NEBL: variants seen among roughly 807,000 people sequenced by gnomAD.
NEBL encodes nebulette.
Under a neutral mutation model 140.2 loss-of-function variants are expected in NEBL, and 122 were observed. The observed-to-expected ratio is 0.87, with a 90% CI of 0.75 to 1.01. The LOEUF is 1.01. NEBL is among the 50% of genes least tolerant of loss of function. The pLI is 0.00. For missense variants in NEBL, 1,365 were observed against 1,231.3 expected, an observed-to-expected ratio of 1.11 and a Z score of -1.62; for synonymous variants, 436 against 398.9, an observed-to-expected ratio of 1.09 and a Z score of -1.11.
At chr10:21,270,828 G>A (rs551980872) in intron 1 of NEBL, among the ~76,000 whole-genome samples, 56 of 152,230 alleles carry the variant, frequency 3.7e-4, no homozygotes, top group African/African-American at 1.3e-3. Context: ...TTCACACAAC[G>A]TATGGATATG....
chr10:20,868,408 A>G, intron 7 of NEBL: 1 of 438,410 alleles, frequency 2.3e-6, no homozygotes, highest in East Asian at 4.4e-5. Context: ...ATGTGACAAC[A>G]TGGCTAGAGA....
At chr10:21,209,700 C>G (rs1841887315) in intron 3 of NEBL, among the ~76,000 whole-genome samples, 1 of 145,056 alleles carries the variant, frequency 6.9e-6, no homozygotes, top group Admixed American at 7.0e-5. Flanking sequence ...AGTTGTGACT[C>G]CTGGAGGACC....
intron 3 of NEBL, among the ~76,000 whole-genome samples, chr10:21,006,692 T>C (rs1318180667): frequency 6.6e-6 from 1 of 152,172 alleles, no homozygotes; most frequent in Non-Finnish European, 1.5e-5. Flanking sequence ...TCCACAGTGG[T>C]CCGAGACCCG....
At chr10:21,243,917 G>A (rs942926438) in intron 3 of NEBL, among the ~76,000 whole-genome samples, 2 of 103,480 alleles carry the variant, frequency 1.9e-5, no homozygotes, top group East Asian at 4.1e-4. Context: ...GAAGGAAGGC[G>A]AAAGGGAAAG....
intron 4 of NEBL, among the ~76,000 whole-genome samples, chr10:20,955,048 T>C (rs1214855600): frequency 6.6e-6 from 1 of 152,198 alleles, no homozygotes; most frequent in Non-Finnish European, 1.5e-5. Context: ...TGATCAGATG[T>C]GCATTTTAGG....
chr10:21,092,049 G>A (rs1347008224), intron 2 of NEBL, among the ~76,000 whole-genome samples: 3 of 152,182 alleles, frequency 2.0e-5, no homozygotes, highest in African/African-American at 7.2e-5. Flanking sequence ...TTTTAGTTAT[G>A]TCGTATCTTA....
intron 2 of NEBL, among the ~76,000 whole-genome samples, chr10:21,138,530 G>A (rs1447039827): frequency 2.0e-5 from 3 of 152,132 alleles, no homozygotes; most frequent in African/African-American, 7.2e-5. Flanking sequence ...AAATGTCATC[G>A]GGAGAGGTGA....
At chr10:20,968,884 A>G (rs1836446065) in intron 3 of NEBL, among the ~76,000 whole-genome samples, 1 of 152,226 alleles carries the variant, frequency 6.6e-6, no homozygotes. Flanking sequence ...TTGATCTGCA[A>G]AATTTAGTGC....
At chr10:21,280,156 G>A (rs902523369) in intron 1 of NEBL, among the ~76,000 whole-genome samples, 2 of 152,120 alleles carry the variant, frequency 1.3e-5, no homozygotes, top group South Asian at 4.1e-4. Context: ...GTTCGTTCCA[G>A]TCCAAGCATA....
In NEBL at chr10:20,850,400, T is replaced by C; in HGVS notation, c.1111A>G (p.Ser371Gly). The C allele has an allele frequency of 6.3e-7, 1 of 1,595,010 alleles. No homozygotes were observed. The highest frequency in any genetic ancestry group is 8.6e-7 in the Non-Finnish European group (1 of 1,162,602). ...QASKEAQKMQ[S>G]EKVYKEDFEK... ...TAACAAACTAATTGACCTACTTCAC[T>C]TTGCATCTTTTGAGCCTCCTTTGAA... Residue 371 changes from serine (S) to glycine (G), a missense_variant, in exon 11 of 28, where the codon AGT (serine) becomes GGT (glycine). This residue lies in a region of NEBL where 1,323 missense variants were observed against 1,154.8 expected (regional missense o/e 1.15). Coordinates refer to ENST00000377122, the MANE Select transcript of NEBL (RefSeq NM_006393.3).
At chr10:20,867,980 A>G (rs1224931469) in intron 7 of NEBL, 1 of 149,970 alleles carries the variant, frequency 6.7e-6, no homozygotes, top group Non-Finnish European at 1.5e-5. Flanking sequence ...ACTGGTCTTC[A>G]TTTTCATACT....
chr10:21,079,206 T>C (rs1276519039), intron 2 of NEBL, among the ~76,000 whole-genome samples: 1 of 152,140 alleles, frequency 6.6e-6, no homozygotes, highest in Admixed American at 6.6e-5. Context: ...TGGGAAAGTG[T>C]CCTGGGTGCA....
intron 7 of NEBL, among the ~76,000 whole-genome samples, chr10:20,863,129 T>C (rs907317824): frequency 2.6e-5 from 4 of 152,132 alleles, no homozygotes; most frequent in African/African-American, 9.7e-5. Flanking sequence ...GTGACGGCAT[T>C]GTAGCTCCCC....
intron 1 of NEBL, among the ~76,000 whole-genome samples, chr10:21,262,508 C>T (rs532643679): frequency 8.6e-5 from 13 of 152,004 alleles, no homozygotes; most frequent in Non-Finnish European, 1.5e-5. Context: ...CAGGGAGAAA[C>T]GAAGGAAAGC....
chr10:21,025,638 C>T (rs1461964971), intron 2 of NEBL, among the ~76,000 whole-genome samples: 1 of 152,098 alleles, frequency 6.6e-6, no homozygotes, highest in East Asian at 1.9e-4. Flanking sequence ...CTGGGGAGAG[C>T]GAGAACCCAG....
chr10:21,159,646 A>G (rs1280779806), intron 2 of NEBL, among the ~76,000 whole-genome samples: 1 of 152,242 alleles, frequency 6.6e-6, no homozygotes, highest in African/African-American at 2.4e-5. Flanking sequence ...AATCTGGACA[A>G]GAGGCACATG....
At chr10:21,215,875 T>C (rs990366294) in intron 3 of NEBL, among the ~76,000 whole-genome samples, 7 of 152,212 alleles carry the variant, frequency 4.6e-5, no homozygotes, top group African/African-American at 7.2e-5. Flanking sequence ...CTTGCCATGT[T>C]GCTCAGGCTG....
intron 3 of NEBL, among the ~76,000 whole-genome samples, chr10:20,996,192 G>A (rs886145995): frequency 6.6e-6 from 1 of 152,196 alleles, no homozygotes; most frequent in Non-Finnish European, 1.5e-5. Context: ...GTGCCACTAC[G>A]ATGTGATACG....
At chr10:20,800,909 T>C (rs561614472) in intron 26 of NEBL, among the ~76,000 whole-genome samples, 1 of 152,238 alleles carries the variant, frequency 6.6e-6, no homozygotes, top group African/African-American at 2.4e-5. Context: ...CAAGTGTAGG[T>C]CACTGGTCCT....
Sources: allele counts gnomAD v4.1 joint callset (sites outside exome capture counted in the v4.1 genomes callset), GRCh38; gene constraint gnomAD v4.1.1; regional missense constraint gnomAD v4.1.1; transcripts MANE v1.5; gene names NCBI Gene and HGNC (gene_info 2026-07-23, HGNC 2026-07-21).